AK9: variants seen among roughly 807,000 people sequenced by gnomAD.
The protein encoded by AK9 is adenylate kinase domain containing 1.
In AK9, 191 loss-of-function variants were observed where a neutral mutation model predicts 239.6. The ratio of observed to expected loss-of-function variants is 0.80; its 90% CI spans 0.71 to 0.90. The LOEUF is 0.90. Ranked by LOEUF, AK9 falls within the 40% of genes least tolerant of loss-of-function variation. The probability of loss-of-function intolerance (pLI) is 0.00; values close to 1 mark genes in which losing one functional copy is unlikely to be tolerated. For missense variants in AK9, 1,995 were observed against 2,214.7 expected (o/e 0.90, Z 1.99); for synonymous variants, 689 against 721.0 (o/e 0.96, Z 0.71).
intron 31 of AK9, among the ~76,000 whole-genome samples, chr6:109,515,187 C>T (rs1035450722): frequency 1.2e-4 from 19 of 152,250 alleles, no homozygotes; most frequent in East Asian, 7.7e-4. Context: ...ATGACTAATA[C>T]GATTGGGTTC....
intron 17 of AK9, among the ~76,000 whole-genome samples, chr6:109,602,794 C>T (rs904237720): frequency 2.6e-5 from 4 of 151,958 alleles, no homozygotes; most frequent in African/African-American, 4.8e-5. Context: ...TTTCTCTAAA[C>T]TTCTCTTCTC....
At chr6:109,570,251 T>C (rs1290738301) in intron 21 of AK9, among the ~76,000 whole-genome samples, 1 of 151,610 alleles carries the variant, frequency 6.6e-6, no homozygotes, top group Non-Finnish European at 1.5e-5. Context: ...GGACACATGG[T>C]TGGGAGCATC....
intron 5 of AK9, among the ~76,000 whole-genome samples, chr6:109,670,715 C>T (rs940263833): frequency 4.6e-5 from 7 of 151,982 alleles, no homozygotes; most frequent in African/African-American, 1.7e-4. Context: ...ATTTACTTAC[C>T]TACCTATATA....
chr6:109,569,039 G>T (rs1786998352), intron 21 of AK9, among the ~76,000 whole-genome samples: 1 of 152,090 alleles, frequency 6.6e-6, no homozygotes, highest in Non-Finnish European at 1.5e-5. Flanking sequence ...ATGCTACAAG[G>T]CTACAGTAAC....
intron 32 of AK9, 23 bp downstream of exon 32, chr6:109,514,201 A>G: frequency 1.3e-6 from 2 of 1,540,126 alleles, no homozygotes; most frequent in Non-Finnish European, 1.8e-6. Flanking sequence ...GCTTGAGGAA[A>G]ACAAAGGCAA....
intron 3 of AK9, among the ~76,000 whole-genome samples, chr6:109,673,525 G>T (rs1162672560): frequency 3.3e-5 from 5 of 151,514 alleles, no homozygotes; most frequent in Non-Finnish European, 5.9e-5. Context: ...TTAATTAAAA[G>T]AATATTTATA....
chr6:109,624,760 G>C (rs1192928197), intron 12 of AK9, among the ~76,000 whole-genome samples: 2 of 152,032 alleles, frequency 1.3e-5, no homozygotes, highest in Non-Finnish European at 2.9e-5. Flanking sequence ...CTTCAATCTG[G>C]GAAATTTTCT....
At chr6:109,682,426 C>CAAAAAAAAAAAAAAAAAAA (rs57215335) in intron 1 of AK9, among the ~76,000 whole-genome samples, 2 of 68,522 alleles carry the variant, frequency 2.9e-5, no homozygotes, top group Admixed American at 1.6e-4. Context: ...GACTCCGTCT[C>CAAAAAAAAAAAAAAAAAAA]AAAAAAAAAA....
intron 17 of AK9, among the ~76,000 whole-genome samples, chr6:109,609,592 G>A (rs781405727): frequency 5.3e-5 from 8 of 152,220 alleles, no homozygotes; most frequent in Non-Finnish European, 1.2e-4. Flanking sequence ...CCCAAAGGGA[G>A]CCATGAGAAC....
chr6:109,649,101 AAG>A (rs1798533520), intron 8 of AK9, among the ~76,000 whole-genome samples: 2 of 152,216 alleles, frequency 1.3e-5, no homozygotes, highest in African/African-American at 4.8e-5. Context: ...TCAAAATAAT[AAG>A]AGTTATCTAT....
chr6:109,515,798 C>T (rs551444916), intron 31 of AK9, 59 bp downstream of exon 31: 2 of 1,416,462 alleles, frequency 1.4e-6, no homozygotes, highest in South Asian at 1.3e-5. Context: ...TTAAAAAAGA[C>T]ATACCTTTGA....
At chr6:109,541,812 A>T (rs534856351) in intron 27 of AK9, among the ~76,000 whole-genome samples, 3 of 152,358 alleles carry the variant, frequency 2.0e-5, no homozygotes, top group African/African-American at 7.2e-5. Flanking sequence ...ACTGAAAAAT[A>T]TCCCAGGCTC....
intron 8 of AK9, among the ~76,000 whole-genome samples, chr6:109,652,211 C>A (rs1005036359): frequency 6.6e-6 from 1 of 152,232 alleles, no homozygotes; most frequent in Admixed American, 6.5e-5. Flanking sequence ...CCACCACGAT[C>A]AAGTTGGCTT....
chr6:109,684,560 A>C (rs1216197341), intron 1 of AK9, among the ~76,000 whole-genome samples: 1 of 143,206 alleles, frequency 7.0e-6, no homozygotes, highest in East Asian at 2.2e-4. Flanking sequence ...AAGAAAAAAA[A>C]ACAAACAACC....
intron 21 of AK9, among the ~76,000 whole-genome samples, chr6:109,568,533 T>C (rs1326257736): frequency 2.6e-5 from 4 of 152,302 alleles, no homozygotes; most frequent in Middle Eastern, 3.4e-3. Context: ...GAAAACCCCA[T>C]CGTCTCAGCC....
At chr6:109,560,621 T>A (rs1428748194) in intron 24 of AK9, among the ~76,000 whole-genome samples, 1 of 152,220 alleles carries the variant, frequency 6.6e-6, no homozygotes, top group African/African-American at 2.4e-5. Flanking sequence ...CCCCACTTGG[T>A]CATGGTGTAT....
chr6:109,530,877 T>C (rs1781143724), intron 28 of AK9, among the ~76,000 whole-genome samples: 3 of 152,110 alleles, frequency 2.0e-5, no homozygotes, highest in South Asian at 2.1e-4. Context: ...ACCCCGTCTA[T>C]ACTAAAAATA....
At chr6:109,636,733 G>T (rs1040855820) in intron 10 of AK9, among the ~76,000 whole-genome samples, 1 of 102,748 alleles carries the variant, frequency 9.7e-6, no homozygotes, top group African/African-American at 3.7e-5. Context: ...TCCTCTTTAA[G>T]GTTGAATAAT....
chr6:109,653,475 C>T (rs11968485), intron 8 of AK9, among the ~76,000 whole-genome samples: 88,629 of 152,024 alleles, frequency 0.58, 27,521 homozygotes, highest in South Asian at 0.84. Flanking sequence ...ATAGCCTCTA[C>T]GCATTTTTCT....
Sources: allele counts gnomAD v4.1 joint callset (sites outside exome capture counted in the v4.1 genomes callset), GRCh38; gene constraint gnomAD v4.1.1; transcripts MANE v1.5; gene names NCBI Gene and HGNC (gene_info 2026-07-23, HGNC 2026-07-21).